RASAL2: variants seen among roughly 807,000 people sequenced by gnomAD.
RASAL2 encodes the protein ras GTPase-activating protein nGAP.
In RASAL2, 58 loss-of-function variants were observed where a neutral mutation model predicts 128.9. The observed-to-expected ratio is 0.45, with a 90% CI of 0.36 to 0.56. The LOEUF (loss-of-function observed/expected upper bound fraction) is 0.56. RASAL2 is among the 20% of genes least tolerant of loss of function. The pLI, the probability that RASAL2 is intolerant of heterozygous loss-of-function variation, is 0.00. For missense variants in RASAL2, 1,360 were observed against 1,601.6 expected (o/e 0.85, Z 2.57); for synonymous variants, 561 against 580.8 (o/e 0.97, Z 0.49).
chr1:178,452,676 T>G, intron 11 of RASAL2, 24 bp downstream of exon 11: 1 of 1,567,466 alleles, frequency 6.4e-7, no homozygotes, highest in South Asian at 1.1e-5. Context: ...TTGTAACCAC[T>G]TTAAAAACAC....
chr1:178,315,321 G>C (rs1195446742), intron 3 of RASAL2, among the ~76,000 whole-genome samples: 2 of 142,148 alleles, frequency 1.4e-5, no homozygotes, highest in Non-Finnish European at 3.0e-5. Flanking sequence ...GGGATGGCTG[G>C]GTCAAATGGT....
intron 14 of RASAL2, among the ~76,000 whole-genome samples, chr1:178,463,528 AT>A (rs1273801592): frequency 6.6e-6 from 1 of 152,190 alleles, no homozygotes; most frequent in Non-Finnish European, 1.5e-5. Context: ...TATTCAGTAG[AT>A]TAGGAAAATA....
chr1:178,388,809 A>G (rs1446601796), intron 3 of RASAL2, among the ~76,000 whole-genome samples: 3 of 152,206 alleles, frequency 2.0e-5, no homozygotes, highest in Non-Finnish European at 4.4e-5. Flanking sequence ...TTCTTGCTGC[A>G]GATTAGTGTA....
intron 3 of RASAL2, among the ~76,000 whole-genome samples, chr1:178,349,969 C>T (rs538651291): frequency 3.2e-4 from 49 of 152,242 alleles, no homozygotes; most frequent in African/African-American, 9.6e-4. Context: ...TGAACATGCC[C>T]GTCTTATCTT....
intron 1 of RASAL2, among the ~76,000 whole-genome samples, chr1:178,278,866 T>A (rs1441074716): frequency 6.6e-6 from 1 of 152,012 alleles, no homozygotes; most frequent in Non-Finnish European, 1.5e-5. Flanking sequence ...TCATTCAGTT[T>A]GTCATTTTTG....
At position 178,103,666 on chromosome 1, in the gene RASAL2, TAC is replaced by T. The variant is rs150631908; in HGVS notation, c.202+8973_202+8974del. On this transcript the variant is annotated intron_variant, in intron 1 of 17. Transcript: ENST00000367649. Reference sequence around the variant, plus strand: ...TATAACCTTTTCTGTGAACTGTACATACCTTTTGCCCATTTTTATTGGGTTCT... The same window carrying T: ...TATAACCTTTTCTGTGAACTGTACATCTTTTGCCCATTTTTATTGGGTTCT... Among the ~76,000 whole-genome samples the T allele has an allele frequency of 4.3e-3, 657 of 152,246 alleles. 15 individuals are homozygous for T. Among genetic ancestry groups the T allele is most frequent in the African/African-American group, 0.015 (631 of 41,552 alleles).
At chr1:178,167,816 T>C (rs1661569069) in intron 1 of RASAL2, among the ~76,000 whole-genome samples, 1 of 152,082 alleles carries the variant, frequency 6.6e-6, no homozygotes, top group Non-Finnish European at 1.5e-5. Context: ...TTCAAATACA[T>C]TTATTGAAAG....
At chr1:178,099,430 C>G (rs183323483) in intron 1 of RASAL2, among the ~76,000 whole-genome samples, 1 of 152,190 alleles carries the variant, frequency 6.6e-6, no homozygotes, top group East Asian at 1.9e-4. Flanking sequence ...TTAAATAGCC[C>G]CCTTTTTTCT....
chr1:178,468,475 A>T (rs1198962351), intron 17 of RASAL2, among the ~76,000 whole-genome samples: 2 of 152,194 alleles, frequency 1.3e-5, no homozygotes, highest in Non-Finnish European at 2.9e-5. Context: ...TACAGAGTCC[A>T]TGTGGAATGG....
chr1:178,276,596 T>G (rs983342398), intron 1 of RASAL2, among the ~76,000 whole-genome samples: 1 of 151,834 alleles, frequency 6.6e-6, no homozygotes, highest in Admixed American at 6.6e-5. Flanking sequence ...ACTGCAGCCT[T>G]GACTTCCTGG....
At chr1:178,329,495 A>G (rs1351707985) in intron 3 of RASAL2, among the ~76,000 whole-genome samples, 2 of 152,158 alleles carry the variant, frequency 1.3e-5, no homozygotes, top group Non-Finnish European at 2.9e-5. Flanking sequence ...AGACCCTTCT[A>G]AAAGTTTTCA....
chr1:178,213,894 G>GA (rs900950666), intron 1 of RASAL2, among the ~76,000 whole-genome samples: 29 of 145,768 alleles, frequency 2.0e-4, no homozygotes, highest in African/African-American at 2.5e-4. Context: ...TTTATATAGG[G>GA]AAAAAAAAAA....
At chr1:178,260,350 C>CAAAAAAAAAAAAAAA (rs1243797175) in intron 1 of RASAL2, among the ~76,000 whole-genome samples, 6 of 436 alleles carry the variant, frequency 0.014, no homozygotes, top group African/African-American at 0.027. Flanking sequence ...AGACTCGTCT[C>CAAAAAAAAAAAAAAA]AAAAAAAAAA....
chr1:178,303,367 T>C (rs1354369893), intron 3 of RASAL2, among the ~76,000 whole-genome samples: 1 of 151,978 alleles, frequency 6.6e-6, no homozygotes, highest in Non-Finnish European at 1.5e-5. Context: ...AAGTCAGGAG[T>C]GTCCAATCTT....
intron 5 of RASAL2, among the ~76,000 whole-genome samples, chr1:178,422,724 GC>G (rs1675235546): frequency 6.6e-6 from 1 of 152,066 alleles, no homozygotes; most frequent in African/African-American, 2.4e-5. Context: ...GCTGAAGTCA[GC>G]CACTTCTTTC....
chr1:178,299,842 C>T (rs1016829768), intron 2 of RASAL2, 150 bp from the exon 3 acceptor site: 17 of 733,056 alleles, frequency 2.3e-5, no homozygotes, highest in Non-Finnish European at 3.3e-5. Context: ...TTGGTAATAC[C>T]TTACCATTGT....
At chr1:178,184,139 A>G (rs1662210997) in intron 1 of RASAL2, among the ~76,000 whole-genome samples, 2 of 152,082 alleles carry the variant, frequency 1.3e-5, no homozygotes, top group Non-Finnish European at 2.9e-5. Context: ...CCATTTTTAA[A>G]ATTGAGTTAT....
rs140746394 is a variant in RASAL2 at position 178,458,390 on chromosome 1, C to T, written c.3098C>T (p.Ala1033Val). ...AKAPPSLPHS[A>V]SLRSTGSMSV... is the part of the protein sequence containing the mutation. ...GCCCCACCATCCCTGCCACACAGTG[C>T]TTCTTTACGTAGCACCGGGAGCATG... The change falls in exon 14 of 18, where the codon GCT (alanine) becomes GTT (valine). Residue 1033 changes from alanine to valine, a missense_variant. Around this residue, in one of 3 missense-constraint regions of RASAL2, gnomAD observed 741 missense variants for 868.6 expected, o/e 0.85. Transcript: ENST00000367649. The T allele has an allele frequency of 6.2e-7, 1 of 1,614,230 alleles. No homozygotes were observed. The highest frequency in any genetic ancestry group is 2.2e-5 in the East Asian group (1 of 44,878).
intron 1 of RASAL2, among the ~76,000 whole-genome samples, chr1:178,242,452 T>C: frequency 8.3e-6 from 1 of 120,978 alleles, no homozygotes; most frequent in African/African-American, 3.2e-5. Flanking sequence ...TCTCTCTCTC[T>C]CTCTCTCTCT....
Sources: allele counts gnomAD v4.1 joint callset (sites outside exome capture counted in the v4.1 genomes callset), GRCh38; gene constraint gnomAD v4.1.1; regional missense constraint gnomAD v4.1.1; transcripts MANE v1.5; gene names NCBI Gene and HGNC (gene_info 2026-07-23, HGNC 2026-07-21).